ZNF284: variants seen among roughly 807,000 people sequenced by gnomAD.
The protein encoded by ZNF284 is zinc finger protein 284.
Under a neutral mutation model 12.9 loss-of-function variants are expected in ZNF284, and 12 were observed. The observed-to-expected ratio is 0.93, with a 90% CI of 0.60 to 1.51. The LOEUF (loss-of-function observed/expected upper bound fraction) is 1.51, where lower values mean the gene tolerates loss of function less well. Ranked by LOEUF, ZNF284 falls within the 40% of genes most tolerant of loss-of-function variation. The probability of loss-of-function intolerance (pLI) is 0.00; values close to 1 mark genes in which losing one functional copy is unlikely to be tolerated. For synonymous variants in ZNF284, 225 were observed against 236.5 expected, an observed-to-expected ratio of 0.95 and a Z score of 0.45; for missense variants, 667 against 707.3, an observed-to-expected ratio of 0.94 and a Z score of 0.65.
chr19:44,081,924 G>A (rs1198818288), intron 3 of ZNF284, 89 bp from the exon 4 acceptor site: 16 of 998,928 alleles, frequency 1.6e-5, no homozygotes, highest in East Asian at 4.9e-5. Flanking sequence ...CCATATCAGT[G>A]TTCAAGTTCG....
rs990737085 is a variant in ZNF284 at position 44,088,116 on chromosome 19, T to C, written c.*856T>C. 6.6e-6 allele frequency: 1 copy of C among 152,032 alleles called. No homozygotes were observed. The highest frequency in any genetic ancestry group is 6.6e-5 in the Admixed American group (1 of 15,252). The allele number at this position is 152,032 out of a possible 1,614,324, so 9.4% of individuals were successfully genotyped here. On this transcript the variant is annotated 3_prime_UTR_variant, in exon 5 of 5. Coordinates refer to ENST00000421176, the MANE Select transcript of ZNF284 (RefSeq NM_001037813.4). The stretch of plus-strand genomic sequence containing the variant: ...TTAGTGAAGATGGGGTTTCACCACA[T>C]TGGCCAGGCTAGCCTTGAACTCCCA...
At position 44,086,668 on chromosome 19, in the gene ZNF284, C is replaced by T. The variant is rs774443661; in HGVS notation, c.1190C>T (p.Thr397Ile). The T allele has an allele frequency of 1.2e-6, 2 of 1,613,808 alleles. No homozygotes were observed. The highest frequency in any genetic ancestry group is 1.7e-6 in the Non-Finnish European group (2 of 1,179,940). Residue 397 changes from threonine (T) to isoleucine (I), a missense_variant, in exon 5 of 5, where the codon ACA (threonine) becomes ATA (isoleucine). Transcript: ENST00000421176. ...CATCAGCGGGTCCACAATGGAGAAA[C>T]AACATTCAAGTGCGACGGATGTGGG... ...SRHQRVHNGETTFKCDGCGKR... is the reference protein window; with the variant it reads ...SRHQRVHNGEITFKCDGCGKR...
rs1432120515 is a variant in ZNF284 at position 44,081,410 on chromosome 19, C to G, written c.142+269C>G. On this transcript the variant is annotated intron_variant, in intron 3 of 4. Coordinates refer to ENST00000421176, the MANE Select transcript of ZNF284 (RefSeq NM_001037813.4). ...GTGCCGAGCAAAGGGGAAAAGGCCC[C>G]TTATAAAACCATCAGATAGGGCCGG... Among the ~76,000 whole-genome samples the G allele has an allele frequency of 2.0e-5, 3 of 152,176 alleles. No homozygotes were observed. The East Asian group carries it at 5.8e-4, about 29-fold the overall frequency.
At chr19:44,083,474 T>TATAGAGAGAGAGAG (rs746837013) in intron 4 of ZNF284, among the ~76,000 whole-genome samples, 4 of 64,924 alleles carry the variant, frequency 6.2e-5, no homozygotes, top group South Asian at 6.8e-4. Flanking sequence ...TATATATATA[T>TATAGAGAGAGAGAG]AGAGAGAGAG....
Position 44,087,042 on chromosome 19 carries a change from T to C in ZNF284, c.1564T>C (p.Trp522Arg). The C allele has an allele frequency of 2.5e-6, 4 of 1,614,150 alleles. No homozygotes were observed. The highest frequency in any genetic ancestry group is 2.5e-6 in the Non-Finnish European group (3 of 1,180,022). The change falls in exon 5 of 5, where the codon TGG (tryptophan) becomes CGG (arginine). Residue 522 changes from tryptophan to arginine, a missense_variant. By Grantham distance (101) the Trp-to-Arg change is moderately radical. Coordinates refer to ENST00000421176, the MANE Select transcript of ZNF284 (RefSeq NM_001037813.4). Reference sequence around the variant, plus strand: ...TGAGGAGTGTGGAAAGGGATTCAGATGGGCCTCAACTCATCTAACCCATCA... The same window carrying C: ...TGAGGAGTGTGGAAAGGGATTCAGACGGGCCTCAACTCATCTAACCCATCA... ...KCEECGKGFR[W>R]ASTHLTHQRL...
Position 44,086,052 on chromosome 19 carries a change from C to G in ZNF284, c.574C>G (p.Leu192Val). The change falls in exon 5 of 5, where the codon CTT becomes GTT. Residue 192 changes from leucine to valine, a missense_variant. Transcript: ENST00000421176. ...ATTCTGTTATAGCTCAGCTCTTTGTCTTCATCAGAAAGTTCACATGGGAGA... is the reference window on the plus strand; with the variant it reads ...ATTCTGTTATAGCTCAGCTCTTTGTGTTCATCAGAAAGTTCACATGGGAGA... ...KRFCYSSALC[L>V]HQKVHMGEKR... The G allele has an allele frequency of 6.2e-7, 1 of 1,614,166 alleles. No homozygotes were observed. The highest frequency in any genetic ancestry group is 8.5e-7 in the Non-Finnish European group (1 of 1,180,026).
chr19:44,078,878 C>T (rs1342297950), intron 2 of ZNF284, among the ~76,000 whole-genome samples: 1 of 152,134 alleles, frequency 6.6e-6, no homozygotes, highest in African/African-American at 2.4e-5. Context: ...ACAACCTCCG[C>T]CTCCTGGGTT....
Position 44,085,947 on chromosome 19 carries a change from A to G in ZNF284, c.469A>G (p.Ser157Gly). ...SEHGKCKKFFSDVSILDLHQQ... is the reference protein window; with the variant it reads ...SEHGKCKKFFGDVSILDLHQQ... ...GCATGGGAAGTGTAAAAAATTCTTC[A>G]GTGATGTCTCCATCCTTGATCTTCA... The change falls in exon 5 of 5, where the codon AGT becomes GGT. Residue 157 changes from serine (S) to glycine (G), a missense_variant. Ser to Gly is a moderately conservative substitution (Grantham distance 56). Transcript: ENST00000421176. 6.2e-7 allele frequency: 1 copy of G among 1,614,170 alleles called. No homozygotes were observed. The highest frequency in any genetic ancestry group is 8.5e-7 in the Non-Finnish European group (1 of 1,180,006).
At position 44,086,020 on chromosome 19, in the gene ZNF284, G is replaced by C. The variant is rs748247302; in HGVS notation, c.542G>C (p.Arg181Thr). 6.2e-7 allele frequency: 1 copy of C among 1,614,140 alleles called. No homozygotes were observed. Among genetic ancestry groups the C allele is most frequent in the Non-Finnish European group, 8.5e-7 (1 of 1,180,024 alleles). The change falls in exon 5 of 5, where the codon AGG becomes ACG. Residue 181 changes from arginine to threonine, a missense_variant. Coordinates refer to ENST00000421176, the MANE Select transcript of ZNF284 (RefSeq NM_001037813.4). ...GKISHTCNEY[R>T]KRFCYSSALC... is the part of the protein sequence containing the mutation. Reference sequence around the variant, plus strand: ...ATATCCCATACATGTAATGAGTACAGGAAGAGATTCTGTTATAGCTCAGCT... The same window carrying C: ...ATATCCCATACATGTAATGAGTACACGAAGAGATTCTGTTATAGCTCAGCT...
At chr19:44,079,972 A>C (rs544930487) in intron 2 of ZNF284, among the ~76,000 whole-genome samples, 1 of 152,338 alleles carries the variant, frequency 6.6e-6, no homozygotes, top group East Asian at 1.9e-4. Flanking sequence ...ATGTTAATTA[A>C]ATACCTAGTC....
chr19:44,076,750 CT>C (rs1053053132), intron 2 of ZNF284, among the ~76,000 whole-genome samples: 1 of 148,850 alleles, frequency 6.7e-6, no homozygotes, highest in African/African-American at 2.5e-5. Flanking sequence ...AAATTGTGTT[CT>C]TTGTGTTTAA....
Position 44,081,085 on chromosome 19 carries a change from A to G in ZNF284, c.86A>G (p.Gln29Arg), listed in dbSNP as rs763871833. The G allele has an allele frequency of 6.2e-7, 1 of 1,613,266 alleles. No individual in the cohort carries two copies. Among genetic ancestry groups the G allele is most frequent in the Non-Finnish European group, 8.5e-7 (1 of 1,179,464 alleles). ...EEELGLLDVS[Q>R]RKLYRDVMLE... ...GAGCTGGGGCTGCTGGACGTTTCCC[A>G]GAGGAAGCTGTATCGAGATGTCATG... Residue 29 changes from glutamine to arginine, a missense_variant, in exon 3 of 5, where the codon CAG (glutamine) becomes CGG (arginine). Coordinates refer to ENST00000421176, the MANE Select transcript of ZNF284 (RefSeq NM_001037813.4).
At chr19:44,082,511 C>G (rs1967145807) in intron 4 of ZNF284, among the ~76,000 whole-genome samples, 1 of 152,218 alleles carries the variant, frequency 6.6e-6, no homozygotes, top group South Asian at 2.1e-4. Flanking sequence ...ACTGTATTGC[C>G]TGTTGCTGTC....
intron 1 of ZNF284, among the ~76,000 whole-genome samples, chr19:44,074,873 G>A (rs902437604): frequency 1.6e-4 from 25 of 152,016 alleles, no homozygotes; most frequent in Non-Finnish European, 2.2e-4. Flanking sequence ...GGGGGCGTGC[G>A]CCTGTAATCC....
chr19:44,079,560 T>C (rs1001747479), intron 2 of ZNF284, among the ~76,000 whole-genome samples: 6 of 151,230 alleles, frequency 4.0e-5, no homozygotes, highest in African/African-American at 1.5e-4. Flanking sequence ...ATACAAAACA[T>C]TAGCCGGGTG....
intron 1 of ZNF284, among the ~76,000 whole-genome samples, chr19:44,072,759 C>G (rs552969550): frequency 6.6e-6 from 1 of 152,340 alleles, no homozygotes; most frequent in East Asian, 1.9e-4. Flanking sequence ...CTGGGTGATC[C>G]CGGACGCTTC....
chr19:44,087,050 A>G lies in ZNF284; in HGVS notation c.1572A>G (p.Ser524=). Residue 524 remains serine (S), a synonymous_variant, in exon 5 of 5, where the codon TCA becomes TCG. Coordinates refer to ENST00000421176, the MANE Select transcript of ZNF284 (RefSeq NM_001037813.4). ...EECGKGFRWA[S]THLTHQRLHS... is the part of the protein sequence containing the mutation. ...GTGGAAAGGGATTCAGATGGGCCTC[A>G]ACTCATCTAACCCATCAAAGACTCC... 1.2e-6 allele frequency: 2 copies of G among 1,614,212 alleles called. No individual in the cohort carries two copies. The highest frequency in any genetic ancestry group is 1.7e-6 in the Non-Finnish European group (2 of 1,180,030).
At chr19:44,083,149 T>C (rs569972691) in intron 4 of ZNF284, among the ~76,000 whole-genome samples, 50 of 151,990 alleles carry the variant, frequency 3.3e-4, no homozygotes, top group Non-Finnish European at 6.9e-4. Context: ...CTATTTAAAA[T>C]ACCAGCCGGG....
chr19:44,081,386 T>A (rs1036042161), intron 3 of ZNF284, among the ~76,000 whole-genome samples: 4 of 152,052 alleles, frequency 2.6e-5, no homozygotes, highest in African/African-American at 9.7e-5. Flanking sequence ...CAGGAAGAAG[T>A]GCCGAGCAAA....
Sources: allele counts gnomAD v4.1 joint callset (sites outside exome capture counted in the v4.1 genomes callset), GRCh38; gene constraint gnomAD v4.1.1; transcripts MANE v1.5; gene names NCBI Gene and HGNC (gene_info 2026-07-23, HGNC 2026-07-21).